SLCO1B3: variants seen among roughly 807,000 people sequenced by gnomAD.
SLCO1B3 encodes the protein solute carrier organic anion transporter family member 1B3, also known as liver-specific organic anion transporter 2.
A neutral mutation model predicts 71.8 loss-of-function variants in SLCO1B3; 72 were observed. The observed-to-expected ratio is 1.00, with a 90% CI of 0.83 to 1.22. The LOEUF (loss-of-function observed/expected upper bound fraction) is 1.22. Ranked by LOEUF, SLCO1B3 falls within the 50% of genes most tolerant of loss-of-function variation. SLCO1B3 has a pLI of 0.00. For synonymous variants in SLCO1B3, 298 were observed against 278.4 expected, an observed-to-expected ratio of 1.07 and a Z score of -0.70; for missense variants, 911 against 819.7, an observed-to-expected ratio of 1.11 and a Z score of -1.36.
chr12:20,875,457 A>T lies in SLCO1B3; in HGVS notation c.950A>T (p.Asn317Ile). The T allele has an allele frequency of 6.2e-7, 1 of 1,601,954 alleles. No individual in the cohort carries two copies. ...GCTAATTTGACCAACCAAGGAAAAA[A>T]TGTTACCAAAAATGTGACTGGTAGG... is the stretch of plus-strand genomic sequence containing the variant. ...QTANLTNQGK[N>I]VTKNVTGFFQ... is the part of the protein sequence containing the mutation. The change falls in exon 9 of 16, where the codon AAT becomes ATT. Residue 317 changes from asparagine (N) to isoleucine (I), a missense_variant. Physicochemically the swap from Asn to Ile is moderately radical, Grantham distance 149 (BLOSUM62 -3). Transcript: ENST00000381545.
At chr12:20,889,926 T>TG (rs1865870291) in intron 13 of SLCO1B3, among the ~76,000 whole-genome samples, 1 of 151,912 alleles carries the variant, frequency 6.6e-6, no homozygotes, top group African/African-American at 2.4e-5. Context: ...TTTTTTTTTT[T>TG]TTGTTTTTGG....
At chr12:20,858,385 A>G in intron 4 of SLCO1B3, 54 bp from the exon 5 acceptor site, 2 of 1,306,846 alleles carry the variant, frequency 1.5e-6, no homozygotes, top group South Asian at 2.5e-5. Flanking sequence ...ATTCAGTTCT[A>G]CTAGATACAA....
chr12:20,832,643 G>T (rs191680554), intron 3 of SLCO1B3, among the ~76,000 whole-genome samples: 41 of 152,012 alleles, frequency 2.7e-4, no homozygotes, highest in African/African-American at 8.9e-4. Context: ...TCCGGCCATG[G>T]TGGCCTTTTT....
chr12:20,887,707 T>A (rs935899408), intron 13 of SLCO1B3, among the ~76,000 whole-genome samples: 11 of 151,634 alleles, frequency 7.3e-5, no homozygotes, highest in African/African-American at 2.7e-4. Flanking sequence ...TTTTTTTTTT[T>A]ACTGAACAAA....
chr12:20,811,196 G>T (rs1864105270), intron 1 of SLCO1B3, among the ~76,000 whole-genome samples: 1 of 152,054 alleles, frequency 6.6e-6, no homozygotes, highest in South Asian at 2.1e-4. Context: ...CGGGTGGAGG[G>T]GTGGAAAATA....
intron 3 of SLCO1B3, among the ~76,000 whole-genome samples, chr12:20,825,050 A>G (rs1285431685): frequency 1.3e-5 from 2 of 152,172 alleles, no homozygotes; most frequent in African/African-American, 2.4e-5. Flanking sequence ...GGCCAATTAA[A>G]TCTGTCTCTC....
Position 20,851,743 on chromosome 12 carries a change from A to T in SLCO1B3, c.85-3285A>T, listed in dbSNP as rs1359516985. 2.0e-5 allele frequency among the ~76,000 whole-genome samples: 3 copies of T among 152,210 alleles called. No individual in the cohort carries two copies. The East Asian group carries it at 5.8e-4, about 29-fold the overall frequency. On this transcript the variant is annotated intron_variant, in intron 3 of 15. Transcript: ENST00000381545. The stretch of plus-strand genomic sequence containing the variant: ...TACTCAAGAAATTATTGTCAAATCA[A>T]ATGTTCTGAAGCATTTTCTCTGTAT...
At chr12:20,833,833 G>A (rs1287750391) in intron 3 of SLCO1B3, among the ~76,000 whole-genome samples, 1 of 146,910 alleles carries the variant, frequency 6.8e-6, no homozygotes, top group Non-Finnish European at 1.5e-5. Context: ...CACACACACA[G>A]TTTGTGTTTA....
chr12:20,820,044 AG>A (rs1374160182), intron 3 of SLCO1B3, among the ~76,000 whole-genome samples: 1 of 152,046 alleles, frequency 6.6e-6, no homozygotes, highest in African/African-American at 2.4e-5. Flanking sequence ...GTATTGTCTA[AG>A]TTGGCACCAG....
At chr12:20,812,688 G>A (rs890107081) in intron 1 of SLCO1B3, among the ~76,000 whole-genome samples, 1 of 152,148 alleles carries the variant, frequency 6.6e-6, no homozygotes, top group Non-Finnish European at 1.5e-5. Context: ...TTCCAAGAAT[G>A]GACATGATAT....
chr12:20,815,035 A>C (rs1489584708), intron 2 of SLCO1B3, among the ~76,000 whole-genome samples: 4 of 149,060 alleles, frequency 2.7e-5, no homozygotes, highest in African/African-American at 9.9e-5. Context: ...CTCTTGAAAA[A>C]TAAGTGGATA....
At chr12:20,855,315 GC>G in intron 4 of SLCO1B3, 146 bp downstream of exon 4, 1 of 701,184 alleles carries the variant, frequency 1.4e-6, no homozygotes, top group Non-Finnish European at 2.3e-6. Context: ...TATTTTTGTT[GC>G]TATAAATGGG....
At chr12:20,822,747 A>ATTC (rs536859821) in intron 3 of SLCO1B3, among the ~76,000 whole-genome samples, 15,386 of 152,226 alleles carry the variant, frequency 0.1, 1,037 homozygotes, top group Middle Eastern at 0.16. Context: ...AGGTGAACAT[A>ATTC]GACTAGCTAC....
At chr12:20,819,294 T>A (rs1459308125) in intron 3 of SLCO1B3, among the ~76,000 whole-genome samples, 1 of 152,102 alleles carries the variant, frequency 6.6e-6, no homozygotes, top group Non-Finnish European at 1.5e-5. Context: ...AGCATGTGTG[T>A]TTTTACGAGA....
chr12:20,858,594 C>T, intron 5 of SLCO1B3, 23 bp downstream of exon 5: 1 of 1,577,460 alleles, frequency 6.3e-7, no homozygotes, highest in Non-Finnish European at 8.6e-7. Context: ...CAGCTCTGAG[C>T]CATTTATTAT....
Position 20,883,593 on chromosome 12 carries a change from T to A in SLCO1B3, c.1673T>A (p.Leu558Ter). 1 of 1,586,180 alleles carries A rather than the reference T, an allele frequency of 6.3e-7. No individual in the cohort carries two copies. The highest frequency in any genetic ancestry group is 8.6e-7 in the Non-Finnish European group (1 of 1,168,630). The part of the protein sequence containing the change: ...SATGGTTFIL[L>*]TVKIVQPELK... ...ACAGGAGGTACCACATTTATCTTGT[T>A]GACTGTGAAGTAAGTATGATCCTGT... The change falls in exon 13 of 16, where the codon TTG (leucine) becomes TAG (stop). Residue 558 changes from leucine (L) to a stop codon, truncating the protein, a stop_gained. Coordinates refer to ENST00000381545, the MANE Select transcript of SLCO1B3 (RefSeq NM_019844.4). LOFTEE classifies it high-confidence loss of function.
intron 13 of SLCO1B3, among the ~76,000 whole-genome samples, chr12:20,897,154 G>T (rs1188695639): frequency 1.3e-5 from 2 of 152,168 alleles, no homozygotes; most frequent in Admixed American, 6.5e-5. Context: ...GTGTAGTTTT[G>T]TGCCCTCAGC....
intron 8 of SLCO1B3, among the ~76,000 whole-genome samples, chr12:20,864,998 G>A (rs763580587): frequency 5.9e-4 from 89 of 151,942 alleles, no homozygotes; most frequent in Non-Finnish European, 1.0e-3. Context: ...TTTTGGCACC[G>A]GCATTAATAA....
chr12:20,840,665 T>C (rs546888481), intron 3 of SLCO1B3, among the ~76,000 whole-genome samples: 42 of 152,028 alleles, frequency 2.8e-4, no homozygotes, highest in Non-Finnish European at 6.0e-4. Flanking sequence ...TGTCAATTTT[T>C]AAAAAAATGT....
Sources: allele counts gnomAD v4.1 joint callset (sites outside exome capture counted in the v4.1 genomes callset), GRCh38; gene constraint gnomAD v4.1.1; transcripts MANE v1.5; gene names NCBI Gene and HGNC (gene_info 2026-07-23, HGNC 2026-07-21).